Variants in SLF1 observed in about 807,000 individuals in gnomAD.
SLF1 encodes SMC5/6 complex localization factor 1.
SLF1 carries 105 observed loss-of-function variants against 123.0 expected under a neutral mutation model. The observed-to-expected ratio is 0.85, with a 90% confidence interval of 0.73 to 1.00. The LOEUF (loss-of-function observed/expected upper bound fraction) is 1.00, where lower values mean the gene tolerates loss of function less well. SLF1 is among the 50% of genes least tolerant of loss of function. The pLI is 0.00. For synonymous variants in SLF1, 434 were observed against 406.6 expected (o/e 1.07, Z -0.81); for missense variants, 1,239 against 1,223.0 (o/e 1.01, Z -0.20).
At chr5:94,625,870 T>A (rs1792191646) in intron 1 of SLF1, among the ~76,000 whole-genome samples, 1 of 152,160 alleles carries the variant, frequency 6.6e-6, no homozygotes. Context: ...AGCATATTCT[T>A]CATAGTTTTT....
At chr5:94,671,547 A>G (rs1261883179) in intron 14 of SLF1, among the ~76,000 whole-genome samples, 3 of 151,778 alleles carry the variant, frequency 2.0e-5, no homozygotes, top group Non-Finnish European at 4.4e-5. Context: ...TTTTGGTTGC[A>G]TAATAAATAT....
intron 9 of SLF1, among the ~76,000 whole-genome samples, chr5:94,659,148 T>C (rs2152483131): frequency 6.6e-6 from 1 of 151,510 alleles, no homozygotes; most frequent in Admixed American, 6.6e-5. Context: ...ATATTTTTTT[T>C]CATTCATTGA....
At position 94,651,731 on chromosome 5, in the gene SLF1, T is replaced by C; in HGVS notation, c.768T>C (p.Asn256=). 2.6e-6 allele frequency: 4 copies of C among 1,521,954 alleles called. No homozygotes were observed. Among genetic ancestry groups the C allele is most frequent in the Non-Finnish European group, 3.5e-6 (4 of 1,136,102 alleles). The allele number at this position is 1,521,954 out of a possible 1,614,324, so 94.3% of individuals were successfully genotyped here. ...AAATGCAAAATCATGAAGATGTTAA[T>C]GTTGGTTCTATTTTGATTCAACATC... ...QKEMQNHEDV[N]VGSILIQHHK... is the part of the protein sequence containing the mutation. The change falls in exon 7 of 21, where the codon AAT becomes AAC. Residue 256 remains asparagine, a synonymous_variant. Coordinates refer to ENST00000265140, the MANE Select transcript of SLF1 (RefSeq NM_032290.4).
At chr5:94,661,058 T>G (rs2132548) in intron 9 of SLF1, among the ~76,000 whole-genome samples, 33,837 of 151,988 alleles carry the variant, frequency 0.22, 3,888 homozygotes, top group East Asian at 0.35. Flanking sequence ...CAGAGCAGGA[T>G]GTAGTCTGGT....
chr5:94,644,787 T>C (rs747651152), intron 5 of SLF1, among the ~76,000 whole-genome samples: 7 of 152,182 alleles, frequency 4.6e-5, no homozygotes, highest in Non-Finnish European at 1.0e-4. Context: ...AGTTAAGTAA[T>C]TGATTATTTG....
rs938949465 is a variant in SLF1 at position 94,623,322 on chromosome 5, T to G, written c.-1+4557T>G. Among the ~76,000 whole-genome samples, 4 of 152,156 alleles carry G rather than the reference T, an allele frequency of 2.6e-5. No homozygotes were observed. The South Asian group carries it at 8.3e-4, about 31-fold the overall frequency. On this transcript the variant is annotated intron_variant, in intron 1 of 20. Coordinates refer to ENST00000265140, the MANE Select transcript of SLF1 (RefSeq NM_032290.4). ...AGTCATTGTCTCCTTAGTTGTATTT[T>G]ATTGTTCAAGGTAAGTAACTAATTT...
In SLF1 at chr5:94,663,769, C is replaced by T; in HGVS notation, c.1229C>T (p.Pro410Leu). ...YNVEVKNAEF[P>L]RGVLNLIESL... ...TCTTAGGTTAAAAATGCTGAATTTC[C>T]CAGAGGTGTATTAAATTTAATTGAA... Residue 410 changes from proline to leucine, a missense_variant, in exon 11 of 21, where the codon CCC (proline) becomes CTC (leucine). Transcript: ENST00000265140. 2 of 1,538,946 alleles carry T rather than the reference C, an allele frequency of 1.3e-6. No homozygotes were observed. Among genetic ancestry groups the T allele is most frequent in the Non-Finnish European group, 1.8e-6 (2 of 1,142,554 alleles).
rs144596201 is a variant in SLF1, at chr5:94,665,250, A to G, written c.1369-611A>G. 3.5e-4 allele frequency among the ~76,000 whole-genome samples: 54 copies of G among 152,164 alleles called. 1 individual carries two copies. In the East Asian group the frequency reaches 0.01, roughly 29 times the overall value. ...AATACAGAATACTGTATTTAATTGC[A>G]GTTGTAGAACCTATGGACGTGAAGG... On this transcript the variant is annotated intron_variant, in intron 11 of 20. Coordinates refer to ENST00000265140, the MANE Select transcript of SLF1 (RefSeq NM_032290.4).
At chr5:94,672,225 C>A (rs1433426157) in intron 14 of SLF1, among the ~76,000 whole-genome samples, 1 of 151,952 alleles carries the variant, frequency 6.6e-6, no homozygotes, top group Non-Finnish European at 1.5e-5. Flanking sequence ...TAGGTAATAT[C>A]TTTTTCAGGG....
intron 14 of SLF1, 148 bp from the exon 15 acceptor site, chr5:94,678,660 C>T: frequency 1.6e-6 from 1 of 633,638 alleles, no homozygotes; most frequent in Non-Finnish European, 2.5e-6. Context: ...AATTAGTTAG[C>T]TAGGGTTCTT....
intron 14 of SLF1, among the ~76,000 whole-genome samples, chr5:94,677,916 A>T (rs927841366): frequency 1.4e-5 from 2 of 141,750 alleles, no homozygotes; most frequent in Non-Finnish European, 3.0e-5. Context: ...ATCATATAAA[A>T]TGATATACTT....
rs952902165 is a variant in SLF1 at position 94,645,979 on chromosome 5, G to A, written c.594+2544G>A. ...TGACTGAGTTAATAGTAACAAGCCA[G>A]GCGTGGTGGTTCTGTAATCCAAGCA... On this transcript the variant is annotated intron_variant, in intron 5 of 20. Transcript: ENST00000265140. Among the ~76,000 whole-genome samples, 5 of 152,326 alleles carry A rather than the reference G, an allele frequency of 3.3e-5. No homozygotes were observed. The South Asian group carries it at 8.3e-4, about 25-fold the overall frequency.
rs757796143 is a variant in SLF1, at chr5:94,689,580, T to C, written c.2393T>C (p.Met798Thr). 1.2e-6 allele frequency: 2 copies of C among 1,609,832 alleles called. No homozygotes were observed. Among genetic ancestry groups the C allele is most frequent in the South Asian group, 2.2e-5 (2 of 90,368 alleles). Residue 798 changes from methionine to threonine, a missense_variant, in exon 18 of 21, where the codon ATG (methionine) becomes ACG (threonine). Coordinates refer to ENST00000265140, the MANE Select transcript of SLF1 (RefSeq NM_032290.4). ...KENCPSVVKK[M>T]NFHKTNLKGE... ...AATTGCCCCTCTGTAGTTAAAAAGA[T>C]GAATTTTCACAAGACTAATCTAAAA...
At chr5:94,675,662 G>A (rs1163386618) in intron 14 of SLF1, among the ~76,000 whole-genome samples, 2 of 152,012 alleles carry the variant, frequency 1.3e-5, no homozygotes, top group Admixed American at 6.5e-5. Flanking sequence ...TACTATTATG[G>A]CTATGTAGTA....
intron 7 of SLF1, among the ~76,000 whole-genome samples, chr5:94,652,810 A>C (rs1245817190): frequency 1.3e-5 from 2 of 152,072 alleles, no homozygotes; most frequent in Admixed American, 6.6e-5. Context: ...ACTAATGTAC[A>C]CCTACTCTGT....
chr5:94,676,423 C>T (rs887943519), intron 14 of SLF1, among the ~76,000 whole-genome samples: 1 of 152,134 alleles, frequency 6.6e-6, no homozygotes, highest in African/African-American at 2.4e-5. Flanking sequence ...GTCAGACCTG[C>T]TGCTGGTTTC....
rs1268532577 is a variant in SLF1, at chr5:94,691,627, C to G, written c.2483C>G (p.Ser828Cys). Residue 828 changes from serine to cysteine, a missense_variant, in exon 19 of 21, where the codon TCT becomes TGT. By Grantham distance (112) the Ser-to-Cys change is moderately radical. Transcript: ENST00000265140. Reference protein sequence around the residue: ...NQVEKLILLLSLPGIDINVKD... With the variant: ...NQVEKLILLLCLPGIDINVKD... ...GTGGAGAAATTGATTCTTCTTCTCT[C>G]TTTGCCAGGAATAGACATCAATGTT... is the stretch of plus-strand genomic sequence containing the variant. 3 of 1,611,726 alleles carry G rather than the reference C, an allele frequency of 1.9e-6. No homozygotes were observed. The highest frequency in any genetic ancestry group is 2.5e-6 in the Non-Finnish European group (3 of 1,179,338).
chr5:94,620,275 A>G (rs1293769931), intron 1 of SLF1: 1 of 152,256 alleles, frequency 6.6e-6, no homozygotes, highest in Non-Finnish European at 1.5e-5. Context: ...TACTGCAAAT[A>G]AACCCCTATT....
At chr5:94,623,761 A>G (rs113050841) in intron 1 of SLF1, among the ~76,000 whole-genome samples, 323 of 152,264 alleles carry the variant, frequency 2.1e-3, no homozygotes, top group African/African-American at 7.5e-3. Flanking sequence ...AACCAATTAT[A>G]GTGCTCTTTT....
Sources: allele counts gnomAD v4.1 joint callset (sites outside exome capture counted in the v4.1 genomes callset), GRCh38; gene constraint gnomAD v4.1.1; transcripts MANE v1.5; gene names NCBI Gene and HGNC (gene_info 2026-07-23, HGNC 2026-07-21).